The following ARHGAP27 variants were observed in gnomAD, a reference collection of about 807,000 sequenced individuals.
The protein encoded by ARHGAP27 is Rho GTPase activating protein 27.
Under a neutral mutation model 102.0 loss-of-function variants are expected in ARHGAP27, and 53 were observed. That is an observed-to-expected ratio of 0.52 (90% CI 0.42 to 0.65). ARHGAP27 has a LOEUF of 0.65. Among genes scored for constraint, ARHGAP27 ranks in the 30% least tolerant of loss-of-function variants. The pLI is 0.00. For synonymous variants in ARHGAP27, 525 were observed against 542.8 expected (o/e 0.97, Z 0.46); for missense variants, 1,117 against 1,256.2 (o/e 0.89, Z 1.68).
chr17:45,407,519 CT>C (rs3973543), intron 4 of ARHGAP27: 99 of 142,908 alleles, frequency 6.9e-4, no homozygotes, highest in South Asian at 8.8e-4. Flanking sequence ...TCTTTTTTTT[CT>C]TTTTTTTTTT....
intron 17 of ARHGAP27, 25 bp from the exon 18 acceptor site, chr17:45,396,142 C>A: frequency 6.2e-7 from 1 of 1,601,604 alleles, no homozygotes. Flanking sequence ...GGGAGGAGGA[C>A]GGAAGGGAAA....
chr17:45,412,960 A>ATGTTTTTTTT, intron 4 of ARHGAP27, among the ~76,000 whole-genome samples: 1 of 95,962 alleles, frequency 1.0e-5, no homozygotes, highest in Admixed American at 1.3e-4. Context: ...GCTCAGTATA[A>ATGTTTTTTTT]TCTTTTTTTT....
chr17:45,396,031 C>T lies in ARHGAP27; in HGVS notation c.2338G>A (p.Glu780Lys), dbSNP rs1356084965. ...ALKLFFRELP[E>K]PLFPFSHFRQ... ...AAGTGCGAGAAGGGGAAGAGGGGCT[C>T]GGGCAGCTCCCGAAAGAAGAGCTTC... The change falls in exon 18 of 20, where the codon GAG (glutamate) becomes AAG (lysine). Residue 780 changes from glutamate to lysine, a missense_variant. Glu to Lys is a moderately conservative substitution (Grantham distance 56, BLOSUM62 1). Around this residue, in one of 3 missense-constraint regions of ARHGAP27, gnomAD observed 493 missense variants for 505.5 expected, o/e 0.98. Coordinates refer to ENST00000685559, the MANE Select transcript of ARHGAP27 (RefSeq NM_001282290.2). 6 of 1,613,652 alleles carry T rather than the reference C, an allele frequency of 3.7e-6. No homozygotes were observed. In the South Asian group the frequency reaches 4.4e-5, roughly 12 times the overall value.
At position 45,395,815 on chromosome 17, in the gene ARHGAP27, C is replaced by T. The variant is rs1254767000; in HGVS notation, c.2421G>A (p.Val807=). 1 of 1,604,948 alleles carries T rather than the reference C, an allele frequency of 6.2e-7. No individual in the cohort carries two copies. The highest frequency in any genetic ancestry group is 8.5e-7 in the Non-Finnish European group (1 of 1,176,746). The change falls in exon 19 of 20, where the codon GTG becomes GTA. Residue 807 remains valine, a synonymous_variant. Coordinates refer to ENST00000685559, the MANE Select transcript of ARHGAP27 (RefSeq NM_001282290.2). ...LQDQARRSRC[V]RDLVRSLPAP... The stretch of plus-strand genomic sequence containing the variant: ...CGGGCAGCGAGCGCACCAAGTCACG[C>T]ACACAGCGGCTGCGCCGGGCCTGGT...
At chr17:45,431,597 C>G (rs1784646259) in intron 3 of ARHGAP27, 24 bp downstream of exon 3, 1 of 175,594 alleles carries the variant, frequency 5.7e-6, no homozygotes, top group African/African-American at 2.4e-5. Flanking sequence ...CGCCCCCTCC[C>G]CTTGGACCCC....
chr17:45,409,475 A>C (rs1392551598), intron 4 of ARHGAP27: 1 of 152,290 alleles, frequency 6.6e-6, no homozygotes, highest in Non-Finnish European at 1.5e-5. Context: ...ATTCCTCTGA[A>C]GGAAGCATTC....
chr17:45,409,626 C>G (rs923017500), intron 4 of ARHGAP27: 1 of 152,488 alleles, frequency 6.6e-6, no homozygotes, highest in African/African-American at 2.4e-5. Context: ...TCCTTCAGGC[C>G]CCTTCAAACT....
chr17:45,398,576 A>T (rs1446465080), intron 12 of ARHGAP27, among the ~76,000 whole-genome samples: 1 of 152,132 alleles, frequency 6.6e-6, no homozygotes, highest in African/African-American at 2.4e-5. Flanking sequence ...TCTACTAAAA[A>T]TACAAAAATT....
At chr17:45,408,042 A>G (rs929847137) in intron 4 of ARHGAP27, 2 of 151,890 alleles carry the variant, frequency 1.3e-5, no homozygotes, top group African/African-American at 4.8e-5. Flanking sequence ...TGACTGTGAC[A>G]CCATCACTAA....
At chr17:45,429,391 A>G in intron 4 of ARHGAP27, 2 of 1,356,508 alleles carry the variant, frequency 1.5e-6, no homozygotes, top group Non-Finnish European at 1.9e-6. Flanking sequence ...GGATTACGAA[A>G]AGCCTCTGGG....
chr17:45,425,421 G>T, intron 4 of ARHGAP27: 1 of 320,422 alleles, frequency 3.1e-6, no homozygotes, highest in Non-Finnish European at 4.5e-6. Flanking sequence ...GGCTGCCCTT[G>T]GAGTTTGTCC....
chr17:45,413,551 C>A (rs939135784), intron 4 of ARHGAP27, among the ~76,000 whole-genome samples: 13 of 152,262 alleles, frequency 8.5e-5, no homozygotes, highest in Non-Finnish European at 1.8e-4. Flanking sequence ...ACTGAGCGGG[C>A]CTTGGGTTCC....
chr17:45,420,786 C>T (rs879858148), intron 4 of ARHGAP27, among the ~76,000 whole-genome samples: 1 of 151,740 alleles, frequency 6.6e-6, no homozygotes, highest in Non-Finnish European at 1.5e-5. Flanking sequence ...AACCCCGTCT[C>T]TACTAAAAAT....
Position 45,406,108 on chromosome 17 carries a change from T to C in ARHGAP27, c.658-25A>G, listed in dbSNP as rs1422426931. The C allele has an allele frequency of 1.3e-5, 20 of 1,492,360 alleles. 1 individual carries two copies. The highest frequency in any genetic ancestry group is 6.4e-5 in the South Asian group (5 of 78,440). 92.4% of individuals were successfully genotyped at this position (1,492,360 alleles called of 1,614,324 possible). ...CCTGCGGGAGGAGAAAGGAGGAATTTTGTGTTTTCAGAAACCTTCCAAAAT... is the reference window on the plus strand; with the variant it reads ...CCTGCGGGAGGAGAAAGGAGGAATTCTGTGTTTTCAGAAACCTTCCAAAAT... On this transcript the variant is annotated intron_variant, in intron 4 of 19. Coordinates refer to ENST00000685559, the MANE Select transcript of ARHGAP27 (RefSeq NM_001282290.2).
intron 4 of ARHGAP27, among the ~76,000 whole-genome samples, chr17:45,411,667 G>T (rs1223864413): frequency 6.6e-6 from 1 of 152,092 alleles, no homozygotes; most frequent in East Asian, 1.9e-4. Context: ...CCAGACCCCA[G>T]GGGTAGACTA....
At position 45,402,771 on chromosome 17, in the gene ARHGAP27, C is replaced by T. The variant is rs1369593296; in HGVS notation, c.1686G>A (p.Arg562=). 1.9e-6 allele frequency: 3 copies of T among 1,613,324 alleles called. No individual in the cohort carries two copies. The highest frequency in any genetic ancestry group is 2.5e-6 in the Non-Finnish European group (3 of 1,179,652). The change falls in exon 12 of 20, where the codon AGG becomes AGA. Residue 562 remains arginine, a synonymous_variant. Coordinates refer to ENST00000685559, the MANE Select transcript of ARHGAP27 (RefSeq NM_001282290.2). ...FSTPEYTVEL[R]GATLSWAPKD... is the part of the protein sequence containing the mutation. ...TGGGGGCCCAGGAGAGAGTGGCCCC[C>T]CTCAGCTCCACTGTGTACTCAGGGG...
At chr17:45,404,816 A>C (rs1460409329) in intron 6 of ARHGAP27, 108 bp downstream of exon 6, 1 of 1,547,572 alleles carries the variant, frequency 6.5e-7, no homozygotes, top group Non-Finnish European at 8.8e-7. Flanking sequence ...TGGCTGGTTT[A>C]GGCTCTGTGT....
chr17:45,409,257 G>C (rs2047604065), intron 4 of ARHGAP27: 2 of 152,304 alleles, frequency 1.3e-5, no homozygotes, highest in African/African-American at 2.4e-5. Context: ...AGGCTCTTTG[G>C]AGCAGGAATT....
chr17:45,404,531 G>T lies in ARHGAP27; in HGVS notation c.1330-3C>A. 7 of 1,613,268 alleles carry T rather than the reference G, an allele frequency of 4.3e-6. No homozygotes were observed. Among genetic ancestry groups the T allele is most frequent in the Non-Finnish European group, 5.9e-6 (7 of 1,179,688 alleles). ...CTTCGAGGGGCAGGGACAGGGACCT[G>T]GGGAGAAAGACACAGTCGTATATGA... is the stretch of plus-strand genomic sequence containing the variant. On this transcript the variant is annotated splice_region_variant and splice_polypyrimidine_tract_variant and intron_variant, in intron 7 of 19. Coordinates refer to ENST00000685559, the MANE Select transcript of ARHGAP27 (RefSeq NM_001282290.2).
Sources: allele counts gnomAD v4.1 joint callset (sites outside exome capture counted in the v4.1 genomes callset), GRCh38; gene constraint gnomAD v4.1.1; regional missense constraint gnomAD v4.1.1; transcripts MANE v1.5; gene names NCBI Gene and HGNC (gene_info 2026-07-23, HGNC 2026-07-21).